Variants in ADGRV1 observed in about 807,000 individuals in gnomAD.
The protein encoded by ADGRV1 is G-protein coupled receptor 98.
ADGRV1 carries 359 observed loss-of-function variants against 596.2 expected under a neutral mutation model. That is an observed-to-expected ratio of 0.60 (90% CI 0.55 to 0.66). The LOEUF (loss-of-function observed/expected upper bound fraction) is 0.66. Among genes scored for constraint, ADGRV1 ranks in the 30% least tolerant of loss-of-function variants. The pLI, the probability that ADGRV1 is intolerant of heterozygous loss-of-function variation, is 0.00. For missense variants in ADGRV1, 7,274 were observed against 7,575.6 expected, an observed-to-expected ratio of 0.96 and a Z score of 1.48; for synonymous variants, 2,681 against 2,679.2, an observed-to-expected ratio of 1.00 and a Z score of -0.02.
chr5:90,589,621 A>G lies in ADGRV1; in HGVS notation c.23-25214A>G, dbSNP rs1288453497. Among the ~76,000 whole-genome samples the G allele has an allele frequency of 3.9e-5, 6 of 152,310 alleles. No individual in the cohort carries two copies. The East Asian group carries it at 1.2e-3, about 29-fold the overall frequency. ...CATTTGACATGTATGAAACATGTTA[A>G]GGAGTTCCCTGTTTGCTTATGGGTG... On this transcript the variant is annotated intron_variant, in intron 1 of 89. Transcript: ENST00000405460.
intron 43 of ADGRV1, 60 bp downstream of exon 43, chr5:90,716,789 T>G: frequency 7.4e-7 from 1 of 1,357,050 alleles, no homozygotes; most frequent in Non-Finnish European, 1.0e-6. Flanking sequence ...AAAATAAATT[T>G]CTCTTAGATG....
intron 77 of ADGRV1, among the ~76,000 whole-genome samples, chr5:90,838,102 C>A (rs1198126698): frequency 2.0e-5 from 3 of 152,102 alleles, no homozygotes; most frequent in Non-Finnish European, 2.9e-5. Context: ...TACTTGAAAT[C>A]CTTTCATTTT....
At position 90,704,440 on chromosome 5, in the gene ADGRV1, G is replaced by C. The variant is rs2149687779; in HGVS notation, c.8338G>C (p.Glu2780Gln). Residue 2780 changes from glutamate (E) to glutamine (Q), a missense_variant, in exon 36 of 90, where the codon GAG becomes CAG. Physicochemically the swap from Glu to Gln is conservative, Grantham distance 29 (BLOSUM62 2). Coordinates refer to ENST00000405460, the MANE Select transcript of ADGRV1 (RefSeq NM_032119.4). The part of the protein sequence containing the change: ...FVHLLDDNIP[E>Q]EKEVYQVILY... ...GCATTTGTTGGATGACAACATTCCT[G>C]AGGAGAAAGAAGTATACCAAGTCAT... is the stretch of plus-strand genomic sequence containing the variant. The C allele has an allele frequency of 6.3e-7, 1 of 1,582,518 alleles. No homozygotes were observed. Among genetic ancestry groups the C allele is most frequent in the South Asian group, 1.2e-5 (1 of 85,678 alleles).
chr5:90,858,085 G>A (rs1004645684), intron 82 of ADGRV1, among the ~76,000 whole-genome samples: 1 of 152,148 alleles, frequency 6.6e-6, no homozygotes, highest in Admixed American at 6.5e-5. Context: ...AGCTTAGAAA[G>A]ATGAAAGAAA....
chr5:91,157,491 T>A (rs1297965141), intron 89 of ADGRV1, among the ~76,000 whole-genome samples: 1 of 152,128 alleles, frequency 6.6e-6, no homozygotes, highest in Non-Finnish European at 1.5e-5. Flanking sequence ...CACTTTCTTT[T>A]CTCCTTGAAC....
Position 90,629,315 on chromosome 5 carries a change from T to C in ADGRV1, c.1615T>C (p.Leu539=). ...CAGCCCAGGTGAACGATACTTATCC[T>C]TGAGTTTTACAAGACTAGGAGGGAC... ...ESSPGERYLS[L]SFTRLGGTKG... The change falls in exon 9 of 90, where the codon TTG becomes CTG. Residue 539 remains leucine (L), a synonymous_variant. Coordinates refer to ENST00000405460, the MANE Select transcript of ADGRV1 (RefSeq NM_032119.4). 3.1e-6 allele frequency: 5 copies of C among 1,613,662 alleles called. No individual in the cohort carries two copies. The highest frequency in any genetic ancestry group is 3.4e-6 in the Non-Finnish European group (4 of 1,179,756).
Position 91,035,861 on chromosome 5 carries a change from T to TATAATATATATATA in ADGRV1, c.18153-36586_18153-36585insATAATATATATATA. Among the ~76,000 whole-genome samples the TATAATATATATATA allele has an allele frequency of 4.8e-4, 46 of 96,384 alleles. 1 individual carries two copies. Among genetic ancestry groups the TATAATATATATATA allele is most frequent in the Middle Eastern group, 5.4e-3 (1 of 186 alleles). 63.2% of individuals were successfully genotyped at this position (96,384 alleles called of 152,430 possible). A position where few individuals can be genotyped will look rare whatever the true frequency, so the allele number is the denominator to read the frequency against. ...ATGAGTGTGTATATATATATATATA[T>TATAATATATATATA]TATATATATATATATATATATCTTA... is the stretch of plus-strand genomic sequence containing the variant. On this transcript the variant is annotated intron_variant, in intron 85 of 89. Coordinates refer to ENST00000405460, the MANE Select transcript of ADGRV1 (RefSeq NM_032119.4).
chr5:90,815,688 G>A lies in ADGRV1; in HGVS notation c.16148G>A (p.Gly5383Glu). ...ESQSGLELRE[G>E]AVMRRLHLIV... ...CAGAGTGGACTAGAACTCAGGGAAG[G>A]AGCTGTTATGAGAAGATTGCACCTT... is the stretch of plus-strand genomic sequence containing the variant. Residue 5383 changes from glycine to glutamate, a missense_variant, in exon 75 of 90, where the codon GGA becomes GAA. Physicochemically the swap from Gly to Glu is moderately conservative, Grantham distance 98. This residue lies in a region of ADGRV1 where 1,874 missense variants were observed against 1,970.2 expected (regional missense o/e 0.95). Transcript: ENST00000405460. 2 of 1,575,866 alleles carry A rather than the reference G, an allele frequency of 1.3e-6. No individual in the cohort carries two copies. Among genetic ancestry groups the A allele is most frequent in the Non-Finnish European group, 1.7e-6 (2 of 1,159,482 alleles).
intron 58 of ADGRV1, among the ~76,000 whole-genome samples, chr5:90,761,368 C>T (rs1349277967): frequency 6.6e-6 from 1 of 152,158 alleles, no homozygotes; most frequent in African/African-American, 2.4e-5. Flanking sequence ...GAATATCTCT[C>T]AAGCAGCAGA....
intron 7 of ADGRV1, 139 bp downstream of exon 7, chr5:90,627,915 AAGAC>A (rs761163691): frequency 3.1e-6 from 1 of 317,616 alleles, no homozygotes. Context: ...AAACTCAGAA[AAGAC>A]ACACACACAC....
chr5:91,012,285 G>A (rs1782784859), intron 85 of ADGRV1, among the ~76,000 whole-genome samples: 1 of 151,836 alleles, frequency 6.6e-6, no homozygotes, highest in African/African-American at 2.4e-5. Context: ...TTCCAGTCTG[G>A]TTGGAATACT....
chr5:90,614,913 G>C lies in ADGRV1; in HGVS notation c.101G>C (p.Arg34Thr). 1.2e-6 allele frequency: 2 copies of C among 1,606,320 alleles called. No homozygotes were observed. The highest frequency in any genetic ancestry group is 2.2e-5 in the South Asian group (2 of 89,966). Residue 34 changes from arginine to threonine, a missense_variant, in exon 2 of 90, where the codon AGA becomes ACA. Physicochemically the swap from Arg to Thr is moderately conservative, Grantham distance 71 (BLOSUM62 -1). Coordinates refer to ENST00000405460, the MANE Select transcript of ADGRV1 (RefSeq NM_032119.4). Reference sequence around the variant, plus strand: ...TTTGTGTTTGGAGAAACAGAAATAAGATTTACTGGACAAACTGAATTTGTT... The same window carrying C: ...TTTGTGTTTGGAGAAACAGAAATAACATTTACTGGACAAACTGAATTTGTT... ...ILFVFGETEI[R>T]FTGQTEFVVN...
intron 74 of ADGRV1, among the ~76,000 whole-genome samples, chr5:90,814,942 G>A (rs1378427712): frequency 6.6e-6 from 1 of 151,612 alleles, no homozygotes; most frequent in Non-Finnish European, 1.5e-5. Flanking sequence ...AGGGTTTGAA[G>A]TGATGATTTC....
intron 86 of ADGRV1, among the ~76,000 whole-genome samples, chr5:91,083,750 T>C (rs1789622363): frequency 6.6e-6 from 1 of 152,184 alleles, no homozygotes; most frequent in African/African-American, 2.4e-5. Context: ...TATTTTGTAC[T>C]TCAAGGCCAC....
At chr5:91,127,584 A>G (rs1479416428) in intron 87 of ADGRV1, among the ~76,000 whole-genome samples, 2 of 152,026 alleles carry the variant, frequency 1.3e-5, no homozygotes, top group African/African-American at 4.8e-5. Flanking sequence ...GGGTTATTAC[A>G]AAAGGGATCA....
intron 21 of ADGRV1, among the ~76,000 whole-genome samples, chr5:90,667,717 C>T (rs915831480): frequency 2.6e-5 from 4 of 152,102 alleles, no homozygotes; most frequent in Non-Finnish European, 5.9e-5. Flanking sequence ...TTTTTCTGTT[C>T]TGTTTTTTCC....
At chr5:90,925,236 C>T (rs1774311034) in intron 83 of ADGRV1, among the ~76,000 whole-genome samples, 2 of 151,778 alleles carry the variant, frequency 1.3e-5, no homozygotes, top group South Asian at 4.2e-4. Flanking sequence ...TGGCCATTTT[C>T]ACGATATTGA....
chr5:91,079,700 T>C (rs996271420), intron 86 of ADGRV1, among the ~76,000 whole-genome samples: 2 of 152,236 alleles, frequency 1.3e-5, no homozygotes, highest in African/African-American at 4.8e-5. Context: ...CGGGCCTTTC[T>C]AGAACTCAGG....
At chr5:90,817,427 A>G (rs1380718096) in intron 75 of ADGRV1, among the ~76,000 whole-genome samples, 2 of 150,754 alleles carry the variant, frequency 1.3e-5, no homozygotes, top group Non-Finnish European at 1.5e-5. Flanking sequence ...ATTAGATCCC[A>G]TTTGTCAATT....
Sources: allele counts gnomAD v4.1 joint callset (sites outside exome capture counted in the v4.1 genomes callset), GRCh38; gene constraint gnomAD v4.1.1; regional missense constraint gnomAD v4.1.1; transcripts MANE v1.5; gene names NCBI Gene and HGNC (gene_info 2026-07-23, HGNC 2026-07-21).